Variants in ADGRL2 observed in about 807,000 individuals in gnomAD.
ADGRL2 encodes the protein adhesion G protein-coupled receptor L2.
Under a neutral mutation model 157.4 loss-of-function variants are expected in ADGRL2, and 44 were observed. The ratio of observed to expected loss-of-function variants is 0.28; its 90% confidence interval spans 0.22 to 0.36. The LOEUF (loss-of-function observed/expected upper bound fraction) is 0.36. Among genes scored for constraint, ADGRL2 ranks in the 10% least tolerant of loss-of-function variants. ADGRL2 has a pLI of 1.00. For synonymous variants in ADGRL2, 585 were observed against 624.7 expected, an observed-to-expected ratio of 0.94 and a Z score of 0.95; for missense variants, 1,510 against 1,768.9, an observed-to-expected ratio of 0.85 and a Z score of 2.63.
intron 11 of ADGRL2, among the ~76,000 whole-genome samples, chr1:81,958,908 C>G (rs887193133): frequency 6.6e-6 from 1 of 152,152 alleles, no homozygotes; most frequent in African/African-American, 2.4e-5. Context: ...TCCTTTTGAT[C>G]TTGCTGCTTT....
chr1:81,433,651 T>C (rs1290500039), intron 1 of ADGRL2, among the ~76,000 whole-genome samples: 1 of 152,230 alleles, frequency 6.6e-6, no homozygotes, highest in Non-Finnish European at 1.5e-5. Flanking sequence ...TTCTTTCCCT[T>C]GGTTTTCTCA....
At chr1:81,963,519 A>G (rs1656116795) in intron 11 of ADGRL2, among the ~76,000 whole-genome samples, 1 of 152,014 alleles carries the variant, frequency 6.6e-6, no homozygotes, top group Non-Finnish European at 1.5e-5. Flanking sequence ...TTGGATACAT[A>G]AAGGTTTAGC....
At chr1:81,971,174 C>G (rs747286150) in intron 16 of ADGRL2, among the ~76,000 whole-genome samples, 1 of 151,962 alleles carries the variant, frequency 6.6e-6, no homozygotes, top group Admixed American at 6.6e-5. Flanking sequence ...TATAAAGATT[C>G]TTTGGACTAA....
At chr1:81,871,301 A>G (rs971544365) in intron 2 of ADGRL2, among the ~76,000 whole-genome samples, 1 of 151,648 alleles carries the variant, frequency 6.6e-6, no homozygotes, top group East Asian at 1.9e-4. Context: ...TCCATGGTGT[A>G]TATGTGCCAC....
intron 3 of ADGRL2, among the ~76,000 whole-genome samples, chr1:81,613,374 G>A (rs2081580597): frequency 6.6e-6 from 1 of 152,214 alleles, no homozygotes; most frequent in South Asian, 2.1e-4. Context: ...AAACTCAGGA[G>A]TGGGATGTTT....
chr1:81,375,233 A>T (rs2076229319), intron 1 of ADGRL2, among the ~76,000 whole-genome samples: 1 of 152,346 alleles, frequency 6.6e-6, no homozygotes, highest in South Asian at 2.1e-4. Context: ...TGGCTCAAGG[A>T]GTCAAGAAAA....
chr1:81,343,137 G>A (rs1221760718), intron 1 of ADGRL2, among the ~76,000 whole-genome samples: 1 of 127,484 alleles, frequency 7.8e-6, no homozygotes, highest in African/African-American at 3.2e-5. Context: ...TGCCCAGGCT[G>A]GAGTGCAGTG....
chr1:81,646,066 A>G (rs779387752), intron 3 of ADGRL2, among the ~76,000 whole-genome samples: 3 of 152,182 alleles, frequency 2.0e-5, no homozygotes, highest in Non-Finnish European at 2.9e-5. Context: ...TCTTGTATGT[A>G]CTAGATCTTC....
intron 2 of ADGRL2, among the ~76,000 whole-genome samples, chr1:81,565,378 T>C (rs1008819860): frequency 6.6e-6 from 1 of 152,184 alleles, no homozygotes; most frequent in African/African-American, 2.4e-5. Flanking sequence ...GCAATAAATA[T>C]CTTTGGAATA....
At chr1:81,479,839 T>A (rs1041006079) in intron 2 of ADGRL2, among the ~76,000 whole-genome samples, 3 of 152,190 alleles carry the variant, frequency 2.0e-5, no homozygotes, top group African/African-American at 7.2e-5. Flanking sequence ...TTATTGATAG[T>A]TTATGGGGTT....
At chr1:81,773,993 G>T (rs1032680281) in intron 2 of ADGRL2, among the ~76,000 whole-genome samples, 3 of 152,174 alleles carry the variant, frequency 2.0e-5, no homozygotes, top group Admixed American at 2.0e-4. Flanking sequence ...ACACATGGGA[G>T]ATGATCGCCA....
chr1:81,475,421 G>GGTGTCA (rs1422327010), intron 2 of ADGRL2, among the ~76,000 whole-genome samples: 1 of 152,058 alleles, frequency 6.6e-6, no homozygotes, highest in Non-Finnish European at 1.5e-5. Context: ...GTATCTACTA[G>GGTGTCA]CCTTTAGGTG....
At chr1:81,335,853 A>G (rs1375872335) in intron 1 of ADGRL2, among the ~76,000 whole-genome samples, 2 of 152,092 alleles carry the variant, frequency 1.3e-5, no homozygotes, top group African/African-American at 4.8e-5. Context: ...AAAAAACAAA[A>G]AACAAAAAAC....
chr1:81,696,531 TC>T (rs1448593646), upstream of ADGRL2, among the ~76,000 whole-genome samples: 1 of 151,968 alleles, frequency 6.6e-6, no homozygotes, highest in Non-Finnish European at 1.5e-5. Context: ...GGCGGGCGGA[TC>T]ACAAGGTCAG....
chr1:81,641,882 A>G (rs958176331), intron 3 of ADGRL2, among the ~76,000 whole-genome samples: 3 of 152,144 alleles, frequency 2.0e-5, no homozygotes, highest in African/African-American at 7.2e-5. Context: ...ATGAAAATCA[A>G]CAAACCAAAA....
intron 1 of ADGRL2, among the ~76,000 whole-genome samples, chr1:81,393,374 A>T (rs186791492): frequency 6.6e-6 from 1 of 150,662 alleles, no homozygotes; most frequent in Non-Finnish European, 1.5e-5. Flanking sequence ...AAAAAAAAGC[A>T]TTGTACATAT....
chr1:81,365,572 G>T (rs1476329604), intron 1 of ADGRL2, among the ~76,000 whole-genome samples: 1 of 152,088 alleles, frequency 6.6e-6, no homozygotes, highest in Non-Finnish European at 1.5e-5. Context: ...ATCAAAATAA[G>T]TGAGACGACA....
At chr1:81,446,435 G>C (rs1224355982) in intron 2 of ADGRL2, among the ~76,000 whole-genome samples, 3 of 152,162 alleles carry the variant, frequency 2.0e-5, no homozygotes, top group South Asian at 4.1e-4. Flanking sequence ...AGCCTATATA[G>C]GGCCAATGAC....
chr1:81,889,352 C>T (rs1393796749), intron 2 of ADGRL2, among the ~76,000 whole-genome samples: 1 of 152,176 alleles, frequency 6.6e-6, no homozygotes, highest in Non-Finnish European at 1.5e-5. Flanking sequence ...GAAAGTGAAA[C>T]AGCTTTTGTT....
Sources: allele counts gnomAD v4.1 joint callset (sites outside exome capture counted in the v4.1 genomes callset), GRCh38; gene constraint gnomAD v4.1.1; transcripts MANE v1.5; gene names NCBI Gene and HGNC (gene_info 2026-07-23, HGNC 2026-07-21).